USP48: variants seen among roughly 807,000 people sequenced by gnomAD.
The protein encoded by USP48 is ubiquitin specific peptidase 48.
Under a neutral mutation model 150.7 loss-of-function variants are expected in USP48, and 43 were observed. The observed-to-expected ratio is 0.29, with a 90% CI of 0.22 to 0.37. USP48 has a LOEUF of 0.37. USP48 is among the 10% of genes least tolerant of loss of function. USP48 has a pLI of 1.00. For synonymous variants in USP48, 396 were observed against 425.9 expected (o/e 0.93, Z 0.86); for missense variants, 813 against 1,249.6 (o/e 0.65, Z 5.27).
In USP48 at chr1:21,779,540, C is replaced by T. The variant is rs1031086081; in HGVS notation, c.134+3284G>A. On this transcript the variant is annotated intron_variant, in intron 1 of 26. Coordinates refer to ENST00000308271, the MANE Select transcript of USP48 (RefSeq NM_032236.8). ...CAGCCTGGGCAACACAGAGAGACTC[C>T]GTCTCAAAAAAAAAATAATAATAAT... Among the ~76,000 whole-genome samples, 6 of 151,180 alleles carry T rather than the reference C, an allele frequency of 4.0e-5. No individual in the cohort carries two copies. The South Asian group carries it at 8.4e-4, about 21-fold the overall frequency.
chr1:21,754,964 A>C (rs1449910389), intron 3 of USP48, among the ~76,000 whole-genome samples: 1 of 152,112 alleles, frequency 6.6e-6, no homozygotes, highest in Non-Finnish European at 1.5e-5. Context: ...GGGGTGACAG[A>C]CTATCCGTTG....
intron 24 of USP48, among the ~76,000 whole-genome samples, chr1:21,689,206 C>T (rs1459674537): frequency 1.4e-5 from 2 of 146,510 alleles, no homozygotes; most frequent in Non-Finnish European, 3.0e-5. Flanking sequence ...CTATCTTCTA[C>T]CCATTTTTTG....
intron 8 of USP48, among the ~76,000 whole-genome samples, chr1:21,736,891 C>G (rs1424161909): frequency 6.6e-6 from 1 of 152,170 alleles, no homozygotes; most frequent in East Asian, 1.9e-4. Context: ...CCTGGGCACT[C>G]AGGGAATATA....
rs138893971 is a variant in USP48, at chr1:21,746,777, T to A, written c.991+290A>T. Among the ~76,000 whole-genome samples the A allele has an allele frequency of 4.4e-3, 670 of 152,338 alleles. 5 individuals carry two copies. The highest frequency in any genetic ancestry group is 0.015 in the African/African-American group (623 of 41,582). ...ATAGTATTGAAACTAAGGTGGCAAG[T>A]GCGGGTTCAGAAACAGTAAAATACC... On this transcript the variant is annotated intron_variant, in intron 8 of 26. Coordinates refer to ENST00000308271, the MANE Select transcript of USP48 (RefSeq NM_032236.8).
At chr1:21,757,839 A>T in intron 1 of USP48, 56 bp from the exon 2 acceptor site, 1 of 1,509,994 alleles carries the variant, frequency 6.6e-7, no homozygotes, top group Non-Finnish European at 8.8e-7. Flanking sequence ...CATGAGAGAC[A>T]AACAAATTAA....
chr1:21,761,634 A>G (rs1232665386), intron 1 of USP48, among the ~76,000 whole-genome samples: 1 of 152,200 alleles, frequency 6.6e-6, no homozygotes, highest in African/African-American at 2.4e-5. Context: ...ACATGCTTAT[A>G]GTGCCAGCTA....
chr1:21,775,106 T>C (rs939491792), intron 1 of USP48, among the ~76,000 whole-genome samples: 2 of 152,136 alleles, frequency 1.3e-5, no homozygotes, highest in Admixed American at 6.6e-5. Context: ...TTTGTTCTTT[T>C]TCCTTTGAGA....
intron 24 of USP48, among the ~76,000 whole-genome samples, chr1:21,687,741 G>T (rs1488369535): frequency 6.6e-6 from 1 of 152,214 alleles, no homozygotes; most frequent in Non-Finnish European, 1.5e-5. Flanking sequence ...AAGGTTAGCT[G>T]CAAGGATAAT....
intron 9 of USP48, 132 bp downstream of exon 9, chr1:21,736,314 A>G: frequency 1.1e-6 from 1 of 919,038 alleles, no homozygotes; most frequent in South Asian, 1.8e-5. Context: ...GTGATTTTAC[A>G]TGTGTTTAAG....
At chr1:21,768,282 C>A (rs1306774183) in intron 1 of USP48, 2 of 168,546 alleles carry the variant, frequency 1.2e-5, no homozygotes, top group Admixed American at 6.0e-5. Flanking sequence ...GAAAAATTCT[C>A]CAGCCCTACA....
chr1:21,709,327 C>T (rs921751769), intron 15 of USP48, among the ~76,000 whole-genome samples: 1 of 152,020 alleles, frequency 6.6e-6, no homozygotes, highest in African/African-American at 2.4e-5. Flanking sequence ...CATGTATTTC[C>T]TTCTGGGTGG....
chr1:21,725,231 C>T (rs535925279), intron 11 of USP48: 9 of 152,308 alleles, frequency 5.9e-5, no homozygotes, highest in African/African-American at 2.2e-4. Flanking sequence ...AGGTCACGGT[C>T]TAATCCAAGT....
intron 15 of USP48, among the ~76,000 whole-genome samples, chr1:21,713,875 C>A (rs1234227772): frequency 2.6e-5 from 4 of 152,146 alleles, no homozygotes; most frequent in African/African-American, 9.7e-5. Flanking sequence ...ATGGAAAGAA[C>A]AGAGGAACTT....
chr1:21,740,178 T>C (rs2097778277), intron 8 of USP48, among the ~76,000 whole-genome samples: 2 of 152,244 alleles, frequency 1.3e-5, no homozygotes, highest in African/African-American at 4.8e-5. Flanking sequence ...CCCAAAGTGC[T>C]GGGATTACAG....
intron 11 of USP48, chr1:21,728,168 T>G (rs920013418): frequency 5.0e-6 from 5 of 990,652 alleles, no homozygotes; most frequent in Non-Finnish European, 6.0e-6. Context: ...AAAAACTGTA[T>G]TCATATAATA....
chr1:21,778,752 ATT>A (rs751636416), intron 1 of USP48, among the ~76,000 whole-genome samples: 13 of 144,522 alleles, frequency 9.0e-5, no homozygotes, highest in South Asian at 2.2e-4. Flanking sequence ...ATTTCCACAA[ATT>A]TTTTTTTTTT....
chr1:21,722,309 AG>A (rs1190132184), intron 12 of USP48, among the ~76,000 whole-genome samples: 3 of 151,400 alleles, frequency 2.0e-5, no homozygotes, highest in Admixed American at 2.0e-4. Context: ...GAAGCCAAGC[AG>A]GGAGGGTAGC....
intron 22 of USP48, among the ~76,000 whole-genome samples, chr1:21,697,070 C>T (rs576785320): frequency 9.9e-5 from 15 of 152,154 alleles, no homozygotes; most frequent in East Asian, 3.9e-4. Flanking sequence ...GAATGTCAGC[C>T]GTGTATAAGC....
chr1:21,768,949 G>T (rs2152635726), intron 1 of USP48, among the ~76,000 whole-genome samples: 1 of 152,172 alleles, frequency 6.6e-6, no homozygotes, highest in South Asian at 2.1e-4. Context: ...ACTAGCTTAA[G>T]CCACTGCACT....
Sources: allele counts gnomAD v4.1 joint callset (sites outside exome capture counted in the v4.1 genomes callset), GRCh38; gene constraint gnomAD v4.1.1; transcripts MANE v1.5; gene names NCBI Gene and HGNC (gene_info 2026-07-23, HGNC 2026-07-21).